PARD6B: variants seen among roughly 807,000 people sequenced by gnomAD.
PARD6B encodes par-6 family cell polarity regulator beta.
PARD6B carries 4 observed loss-of-function variants against 10.5 expected under a neutral mutation model. The observed-to-expected ratio is 0.38, with a 90% CI of 0.19 to 0.87. The LOEUF is 0.87. Ranked by LOEUF, PARD6B falls within the 40% of genes least tolerant of loss-of-function variation. The pLI is 0.41. For synonymous variants in PARD6B, 169 were observed against 170.4 expected, an observed-to-expected ratio of 0.99 and a Z score of 0.07; for missense variants, 396 against 470.6, an observed-to-expected ratio of 0.84 and a Z score of 1.47.
chr20:50,741,616 C>T (rs73615329), intron 2 of PARD6B, among the ~76,000 whole-genome samples: 2 of 151,776 alleles, frequency 1.3e-5, no homozygotes, highest in African/African-American at 4.8e-5. Context: ...AGTGCAGTGG[C>T]GCGATCTCGG....
At chr20:50,737,232 C>A (rs1465356141) in intron 1 of PARD6B, among the ~76,000 whole-genome samples, 2 of 152,212 alleles carry the variant, frequency 1.3e-5, no homozygotes, top group African/African-American at 2.4e-5. Flanking sequence ...CTTTCAATCT[C>A]TAGGGCCTAG....
intron 1 of PARD6B, among the ~76,000 whole-genome samples, chr20:50,732,564 G>GTA (rs2087477569): frequency 1.3e-5 from 2 of 152,224 alleles, no homozygotes; most frequent in Non-Finnish European, 2.9e-5. Flanking sequence ...AGTGAGCAGG[G>GTA]TAGTCTGTAG....
rs2087471445 is a variant in PARD6B at position 50,731,696 on chromosome 20, G to A, written c.-91G>A. Reference sequence around the variant, plus strand: ...GTGAGGAGGCGCCCGGGCCGCAACCGCTTTCCGAGATCCCCAGTCGCGCAC... The same window carrying A: ...GTGAGGAGGCGCCCGGGCCGCAACCACTTTCCGAGATCCCCAGTCGCGCAC... On this transcript the variant is annotated 5_prime_UTR_variant, in exon 1 of 3. Coordinates refer to ENST00000371610, the MANE Select transcript of PARD6B (RefSeq NM_032521.3). The A allele has an allele frequency of 1.5e-5, 18 of 1,226,598 alleles. No individual in the cohort carries two copies. The South Asian group carries it at 3.0e-4, about 21-fold the overall frequency. The allele number at this position is 1,226,598 out of a possible 1,614,324, so 76.0% of individuals were successfully genotyped here.
chr20:50,737,837 T>A lies in PARD6B; in HGVS notation c.67-20T>A. The A allele has an allele frequency of 1.4e-6, 2 of 1,396,984 alleles. No individual in the cohort carries two copies. The highest frequency in any genetic ancestry group is 1.9e-6 in the Non-Finnish European group (2 of 1,043,126). The allele number at this position is 1,396,984 out of a possible 1,614,324, so 86.5% of individuals were successfully genotyped here. On this transcript the variant is annotated intron_variant, in intron 1 of 2. Transcript: ENST00000371610. ...TACTTTTTTTTTTTTTTTTAAGTAA[T>A]ATGTTTGTTACGTTTATAGTTTGGA... is the stretch of plus-strand genomic sequence containing the variant.
rs1206757456 is a variant in PARD6B at position 50,751,298 on chromosome 20, A to G, written c.*810A>G. The G allele has an allele frequency of 4.2e-6, 4 of 959,904 alleles. No homozygotes were observed. The highest frequency in any genetic ancestry group is 4.9e-6 in the Non-Finnish European group (4 of 809,670). The allele number at this position is 959,904 out of a possible 1,614,324, so 59.5% of individuals were successfully genotyped here. On this transcript the variant is annotated 3_prime_UTR_variant, in exon 3 of 3. Transcript: ENST00000371610. ...GTTTTTTTATGTTCCTTTCTAATAA[A>G]TTGTAACAAATGATGTTCTCAAGTA... is the stretch of plus-strand genomic sequence containing the variant.
intron 2 of PARD6B, among the ~76,000 whole-genome samples, chr20:50,748,345 A>G (rs752442594): frequency 1.6e-4 from 25 of 152,252 alleles, no homozygotes; most frequent in Admixed American, 3.9e-4. Flanking sequence ...CTCCGTCTCA[A>G]ACAATAGCAA....
intron 2 of PARD6B, 30 bp downstream of exon 2, chr20:50,738,109 T>A (rs957271062): frequency 1.4e-6 from 2 of 1,468,418 alleles, no homozygotes; most frequent in African/African-American, 2.8e-5. Flanking sequence ...AAAATTGTGT[T>A]AGAAATAGAA....
Position 50,732,906 on chromosome 20 carries a change from CA to C in PARD6B, c.66+1065del, listed in dbSNP as rs11387842. Among the ~76,000 whole-genome samples, 42 of 146,556 alleles carry C rather than the reference CA, an allele frequency of 2.9e-4. No individual in the cohort carries two copies. In the East Asian group the frequency reaches 3.0e-3, roughly 10 times the overall value. On this transcript the variant is annotated intron_variant, in intron 1 of 2. Transcript: ENST00000371610. ...GAGAAAATTGAAAGTATATCAATTT[CA>C]AAAAAAAAAAGTAATGGAGCATCAT...
chr20:50,742,873 C>T (rs2123703810), intron 2 of PARD6B, among the ~76,000 whole-genome samples: 1 of 152,218 alleles, frequency 6.6e-6, no homozygotes, highest in Non-Finnish European at 1.5e-5. Context: ...AGAAAAACCC[C>T]ATACTCTATT....
At chr20:50,733,786 G>T (rs999484918) in intron 1 of PARD6B, among the ~76,000 whole-genome samples, 2 of 152,100 alleles carry the variant, frequency 1.3e-5, no homozygotes, top group Admixed American at 6.5e-5. Flanking sequence ...TAAGTTTATA[G>T]CCCTAATCTT....
In PARD6B at chr20:50,750,384, G is replaced by A. The variant is rs753077651; in HGVS notation, c.1015G>A (p.Glu339Lys). The change falls in exon 3 of 3, where the codon GAA (glutamate) becomes AAA (lysine). Residue 339 changes from glutamate to lysine, a missense_variant. By Grantham distance (56) the Glu-to-Lys change is moderately conservative (BLOSUM62 1). This residue lies in a region of PARD6B where 188 missense variants were observed against 169.7 expected (regional missense o/e 1.11). Coordinates refer to ENST00000371610, the MANE Select transcript of PARD6B (RefSeq NM_032521.3). ...SGQNGFIPSN[E>K]VSLAAIASSS... is the part of the protein sequence containing the mutation. ...ACAGAATGGCTTTATTCCCTCTAAT[G>A]AAGTGAGCTTAGCAGCCATAGCAAG... 6.2e-7 allele frequency: 1 copy of A among 1,614,194 alleles called. No individual in the cohort carries two copies. Among genetic ancestry groups the A allele is most frequent in the African/African-American group, 1.3e-5 (1 of 75,054 alleles).
At chr20:50,744,171 A>G (rs1600817791) in intron 2 of PARD6B, among the ~76,000 whole-genome samples, 3 of 133,106 alleles carry the variant, frequency 2.3e-5, no homozygotes, top group Admixed American at 8.8e-5. Flanking sequence ...CTGGAGTGCA[A>G]TGGCGTGATC....
rs763915421 is a variant in PARD6B, at chr20:50,750,112, C to T, written c.743C>T (p.Pro248Leu). 2.5e-6 allele frequency: 4 copies of T among 1,614,008 alleles called. No individual in the cohort carries two copies. Among genetic ancestry groups the T allele is most frequent in the East Asian group, 2.2e-5 (1 of 44,898 alleles). ...CGTAACCTCATCATAACAGTGAGAC[C>T]GGCAAACCAGAGGAATAATGTTGTG... ...NSRNLIITVR[P>L]ANQRNNVVRN... The change falls in exon 3 of 3, where the codon CCG (proline) becomes CTG (leucine). Residue 248 changes from proline to leucine, a missense_variant. By Grantham distance (98) the Pro-to-Leu change is moderately conservative. Transcript: ENST00000371610.
rs765537650 is a variant in PARD6B at position 50,738,071 on chromosome 20, A to T, written c.281A>T (p.Gln94Leu). 3.8e-6 allele frequency: 6 copies of T among 1,594,876 alleles called. No homozygotes were observed. Among genetic ancestry groups the T allele is most frequent in the Non-Finnish European group, 5.1e-6 (6 of 1,170,386 alleles). Residue 94 changes from glutamine (Q) to leucine (L), a missense_variant, in exon 2 of 3, where the codon CAA (glutamine) becomes CTA (leucine). Gln to Leu is a moderately radical substitution (Grantham distance 113). Coordinates refer to ENST00000371610, the MANE Select transcript of PARD6B (RefSeq NM_032521.3). ...TANPLLRIFIQKKEEADYSAF... is the reference protein window; with the variant it reads ...TANPLLRIFILKKEEADYSAF... ...AATCCACTGCTTAGGATATTTATAC[A>T]AAAGAAGGGTAAGTATCACTGTTTA...
intron 2 of PARD6B, among the ~76,000 whole-genome samples, chr20:50,742,327 A>G (rs908357970): frequency 2.6e-5 from 4 of 151,934 alleles, no homozygotes; most frequent in Non-Finnish European, 5.9e-5. Flanking sequence ...TACAGGTGGG[A>G]GCCGCCGTGC....
Position 50,733,177 on chromosome 20 carries a change from T to C in PARD6B, c.66+1325T>C, listed in dbSNP as rs192348704. ...GCTCACGCCTGTAACCCCAGCACTT[T>C]GGGAGGCCGAGGCGGGTGGATCACC... On this transcript the variant is annotated intron_variant, in intron 1 of 2. Transcript: ENST00000371610. Among the ~76,000 whole-genome samples the C allele has an allele frequency of 3.0e-3, 455 of 152,326 alleles. 2 individuals are homozygous for C. The highest frequency in any genetic ancestry group is 0.011 in the African/African-American group (437 of 41,568).
Position 50,749,724 on chromosome 20 carries a change from G to C in PARD6B, c.355G>C (p.Val119Leu), listed in dbSNP as rs1171533427. The change falls in exon 3 of 3, where the codon GTA becomes CTA. Residue 119 changes from valine (V) to leucine (L), a missense_variant. By Grantham distance (32) the Val-to-Leu change is conservative (BLOSUM62 1). Transcript: ENST00000371610. ...LIKKKNVLTN[V>L]LRPDNHRKKP... ...AAAGAAGAAGAATGTTTTAACCAAC[G>C]TATTGCGTCCTGACAACCATAGAAA... The C allele has an allele frequency of 1.2e-6, 2 of 1,613,920 alleles. No individual in the cohort carries two copies. The highest frequency in any genetic ancestry group is 1.7e-6 in the Non-Finnish European group (2 of 1,179,950).
Position 50,742,091 on chromosome 20 carries a change from C to T in PARD6B, c.289+4012C>T, listed in dbSNP as rs960787718. Among the ~76,000 whole-genome samples the T allele has an allele frequency of 9.2e-5, 14 of 152,272 alleles. No homozygotes were observed. The Middle Eastern group carries it at 0.01, about 111-fold the overall frequency. ...TGTTTTGTTTTAAGTCTTGCTCTGT[C>T]ACCCAGGCTGGAATGCAGGGGCGTG... On this transcript the variant is annotated intron_variant, in intron 2 of 2. Transcript: ENST00000371610.
intron 2 of PARD6B, among the ~76,000 whole-genome samples, chr20:50,746,562 C>T (rs2087568664): frequency 6.6e-6 from 1 of 152,180 alleles, no homozygotes; most frequent in African/African-American, 2.4e-5. Context: ...TGGACATTCA[C>T]CTTTACACTT....
Sources: allele counts gnomAD v4.1 joint callset (sites outside exome capture counted in the v4.1 genomes callset), GRCh38; gene constraint gnomAD v4.1.1; regional missense constraint gnomAD v4.1.1; transcripts MANE v1.5; gene names NCBI Gene and HGNC (gene_info 2026-07-23, HGNC 2026-07-21).